LRRC37A2: variants seen among roughly 807,000 people sequenced by gnomAD.
The protein encoded by LRRC37A2 is leucine rich repeat containing 37 member A2.
In LRRC37A2, 9 loss-of-function variants were observed where a neutral mutation model predicts 68.8. The observed-to-expected ratio is 0.13, with a 90% CI of 0.08 to 0.23. The LOEUF is 0.23. LRRC37A2 is among the 10% of genes least tolerant of loss of function. LRRC37A2 has a pLI of 1.00. For missense variants in LRRC37A2, 168 were observed against 950.4 expected, an observed-to-expected ratio of 0.18 and a Z score of 10.82; for synonymous variants, 63 against 367.6, an observed-to-expected ratio of 0.17 and a Z score of 9.48.
At chr17:46,775,699 C>T in the LRRC37A2 span, among the ~76,000 whole-genome samples, 5 of 151,114 alleles carry the variant, frequency 3.3e-5, no homozygotes, top group Non-Finnish European at 4.4e-5. Flanking sequence ...CTGCAAGCTC[C>T]GCCTCCTGGG....
the LRRC37A2 span, among the ~76,000 whole-genome samples, chr17:47,003,291 G>C: frequency 6.8e-6 from 1 of 147,864 alleles, no homozygotes; most frequent in African/African-American, 2.5e-5. Flanking sequence ...CCCTGACCCT[G>C]ACCACTCTGG....
the LRRC37A2 span, chr17:46,876,654 G>A: frequency 6.2e-7 from 1 of 1,604,100 alleles, no homozygotes; most frequent in Non-Finnish European, 8.5e-7. Context: ...CAGGTGCAGT[G>A]GTGCTGCTAC....
the LRRC37A2 span, among the ~76,000 whole-genome samples, chr17:46,907,580 T>C: frequency 1.4e-5 from 2 of 147,586 alleles, no homozygotes; most frequent in Non-Finnish European, 3.0e-5. Context: ...CTCACACCTG[T>C]AGCTCCAGCA....
the LRRC37A2 span, among the ~76,000 whole-genome samples, chr17:46,732,786 GA>G: frequency 1.3e-5 from 2 of 152,170 alleles, no homozygotes; most frequent in Non-Finnish European, 2.9e-5. Context: ...TGTTCTGCAG[GA>G]GAAGAGATCG....
the LRRC37A2 span, among the ~76,000 whole-genome samples, chr17:46,760,521 G>A: frequency 2.0e-5 from 3 of 150,462 alleles, no homozygotes; most frequent in East Asian, 2.0e-4. Flanking sequence ...TATGGTCCCA[G>A]CTACACGGGA....
the LRRC37A2 span, among the ~76,000 whole-genome samples, chr17:46,927,920 A>G: frequency 6.6e-6 from 1 of 152,098 alleles, no homozygotes; most frequent in African/African-American, 2.4e-5. Context: ...ATCAGCATTG[A>G]AAATTTACCT....
At chr17:47,034,162 C>G in the LRRC37A2 span, among the ~76,000 whole-genome samples, 1 of 152,044 alleles carries the variant, frequency 6.6e-6, no homozygotes, top group Non-Finnish European at 1.5e-5. Context: ...AAAGTGAGAC[C>G]CCAATCTCTA....
chr17:47,033,511 C>T, the LRRC37A2 span: 2 of 623,596 alleles, frequency 3.2e-6, no homozygotes, highest in Non-Finnish European at 5.7e-6. Flanking sequence ...TTTTCCCTGA[C>T]AGCCTTGGGA....
the LRRC37A2 span, chr17:46,818,864 C>T: frequency 1.8e-6 from 1 of 543,370 alleles, no homozygotes; most frequent in East Asian, 3.1e-5. Context: ...TCCCGCCCGG[C>T]CCACAACTCG....
the LRRC37A2 span, among the ~76,000 whole-genome samples, chr17:46,805,770 C>T: frequency 3.3e-5 from 5 of 152,212 alleles, no homozygotes; most frequent in African/African-American, 1.2e-4. Context: ...CAAACTGAAA[C>T]TTGACAGTGA....
the LRRC37A2 span, among the ~76,000 whole-genome samples, chr17:46,992,981 T>C: frequency 2.7e-5 from 4 of 150,910 alleles, no homozygotes; most frequent in Non-Finnish European, 5.9e-5. Flanking sequence ...GGTAAGTTTC[T>C]ATACACACAT....
the LRRC37A2 span, among the ~76,000 whole-genome samples, chr17:46,898,712 A>G: frequency 6.6e-6 from 1 of 152,246 alleles, no homozygotes; most frequent in Admixed American, 6.5e-5. Flanking sequence ...GCCAGATTCA[A>G]CAGAGAGTCA....
At chr17:46,731,469 T>C in the LRRC37A2 span, among the ~76,000 whole-genome samples, 1 of 152,162 alleles carries the variant, frequency 6.6e-6, no homozygotes, top group Admixed American at 6.6e-5. Context: ...TTGTACACTT[T>C]AAATGGGTAA....
the LRRC37A2 span, among the ~76,000 whole-genome samples, chr17:46,850,273 G>A: frequency 6.6e-6 from 1 of 152,222 alleles, no homozygotes; most frequent in Non-Finnish European, 1.5e-5. Flanking sequence ...GGGCCATGTG[G>A]CCTCAATAAG....
the LRRC37A2 span, among the ~76,000 whole-genome samples, chr17:46,839,917 T>TTTCC: frequency 5.2e-5 from 2 of 38,410 alleles, no homozygotes; most frequent in East Asian, 9.2e-4. Context: ...TTCTCTTTTC[T>TTTCC]TTCTTTCTTT....
chr17:46,978,691 C>A, the LRRC37A2 span: 1 of 1,610,972 alleles, frequency 6.2e-7, no homozygotes. Context: ...GGAGGGCCGG[C>A]GCTCCTGCAC....
At chr17:46,972,305 TCC>T in the LRRC37A2 span, among the ~76,000 whole-genome samples, 1 of 152,144 alleles carries the variant, frequency 6.6e-6, no homozygotes, top group Non-Finnish European at 1.5e-5. Flanking sequence ...TGCTTCCTCT[TCC>T]CCCTTCTTTC....
chr17:46,929,475 T>C, the LRRC37A2 span: 1 of 976,450 alleles, frequency 1.0e-6, no homozygotes, highest in Non-Finnish European at 1.7e-6. Flanking sequence ...TGAAGCGCTG[T>C]TGATTACTCC....
At chr17:46,998,106 A>C in the LRRC37A2 span, among the ~76,000 whole-genome samples, 1 of 152,244 alleles carries the variant, frequency 6.6e-6, no homozygotes, top group African/African-American at 2.4e-5. Context: ...AAATGTTAGA[A>C]AATGCTTTCT....
Sources: allele counts gnomAD v4.1 joint callset (sites outside exome capture counted in the v4.1 genomes callset), GRCh38; gene constraint gnomAD v4.1.1; transcripts MANE v1.5; gene names NCBI Gene and HGNC (gene_info 2026-07-23, HGNC 2026-07-21).